Variants in MYO18A observed in about 807,000 individuals in gnomAD.
The protein encoded by MYO18A is unconventional myosin-XVIIIa.
Under a neutral mutation model 235.8 loss-of-function variants are expected in MYO18A, and 78 were observed. The observed-to-expected ratio is 0.33, with a 90% CI of 0.28 to 0.40. The LOEUF (loss-of-function observed/expected upper bound fraction) is 0.40. MYO18A is among the 10% of genes least tolerant of loss of function. The pLI is 1.00. For missense variants in MYO18A, 2,215 were observed against 2,699.3 expected (o/e 0.82, Z 3.98); for synonymous variants, 977 against 1,077.8 (o/e 0.91, Z 1.83).
chr17:29,095,046 GCTCA>G lies in MYO18A; in HGVS notation c.4395_4398del (p.Glu1466SerfsTer32). On this transcript the variant is annotated frameshift_variant, in exon 29 of 42. Coordinates refer to ENST00000527372, the MANE Select transcript of MYO18A (RefSeq NM_078471.4). LOFTEE classifies it high-confidence loss of function. ...TGGGCCTCCTCATGCGCCTGCGAGA[GCTCA>G]CTGTCAAACCTGCGAGGGAGTGTGG... The G allele has an allele frequency of 6.4e-7, 1 of 1,551,374 alleles. No homozygotes were observed. Among genetic ancestry groups the G allele is most frequent in the Non-Finnish European group, 8.7e-7 (1 of 1,146,650 alleles).
intron 1 of MYO18A, among the ~76,000 whole-genome samples, chr17:29,175,364 C>CTT (rs34825590): frequency 6.1e-4 from 81 of 133,000 alleles, no homozygotes; most frequent in African/African-American, 1.8e-3. Context: ...TTTATTTCAT[C>CTT]TTTTTTTTTT....
intron 41 of MYO18A, chr17:29,077,301 A>G (rs997830773): frequency 6.6e-6 from 1 of 152,244 alleles, no homozygotes; most frequent in African/African-American, 2.4e-5. Flanking sequence ...CATTTTAACC[A>G]AATTGTTTAA....
chr17:29,103,732 G>A (rs2066713331), intron 20 of MYO18A, 68 bp from the exon 21 acceptor site: 2 of 1,489,058 alleles, frequency 1.3e-6, no homozygotes, highest in East Asian at 4.5e-5. Context: ...CTTTCTCCAG[G>A]CCCTTGGCCC....
In MYO18A at chr17:29,164,707, C is replaced by T. The variant is rs139184558; in HGVS notation, c.999+1235G>A. ...TGGCCAGAGGTGGTCACTTGTCCTT[C>T]GTATACTATCTCCAGGCAGGACATT... On this transcript the variant is annotated intron_variant, in intron 2 of 41. Coordinates refer to ENST00000527372, the MANE Select transcript of MYO18A (RefSeq NM_078471.4). Among the ~76,000 whole-genome samples the T allele has an allele frequency of 5.9e-5, 9 of 152,210 alleles. No homozygotes were observed. In the East Asian group the frequency reaches 1.7e-3, roughly 29 times the overall value.
At chr17:29,168,391 G>C (rs954154030) in intron 1 of MYO18A, among the ~76,000 whole-genome samples, 1 of 152,082 alleles carries the variant, frequency 6.6e-6, no homozygotes, top group African/African-American at 2.4e-5. Flanking sequence ...GAAGAGTTGA[G>C]AGAGTCTTTC....
Position 29,115,382 on chromosome 17 carries a change from G to T in MYO18A, c.2287C>A (p.Leu763Ile), listed in dbSNP as rs773367472. 7 of 1,613,822 alleles carry T rather than the reference G, an allele frequency of 4.3e-6. No homozygotes were observed. In the South Asian group the frequency reaches 7.7e-5, roughly 18 times the overall value. Residue 763 changes from leucine (L) to isoleucine (I), a missense_variant, in exon 13 of 42, where the codon CTC becomes ATC. Transcript: ENST00000527372. Reference protein sequence around the residue: ...EGMAAGLYSELFTLLVSLVNR... With the variant: ...EGMAAGLYSEIFTLLVSLVNR... Reference sequence around the variant, plus strand: ...ACCAGGGAGACGAGAAGGGTGAAGAGCTCGCTGTAGAGGCCGGCCGCCATG... The same window carrying T: ...ACCAGGGAGACGAGAAGGGTGAAGATCTCGCTGTAGAGGCCGGCCGCCATG...
At chr17:29,124,909 C>T (rs2067285168) in intron 2 of MYO18A, among the ~76,000 whole-genome samples, 2 of 152,138 alleles carry the variant, frequency 1.3e-5, no homozygotes, top group Admixed American at 1.3e-4. Context: ...TGAAGAGACA[C>T]TAGTGACCAT....
intron 2 of MYO18A, chr17:29,124,636 G>C (rs1045192285): frequency 1.5e-5 from 19 of 1,279,356 alleles, no homozygotes; most frequent in South Asian, 1.3e-4. Context: ...CTCCTGAGTG[G>C]GGGGAGAGCA....
At chr17:29,173,173 C>T (rs981395359) in intron 1 of MYO18A, among the ~76,000 whole-genome samples, 6 of 151,734 alleles carry the variant, frequency 4.0e-5, no homozygotes, top group African/African-American at 1.5e-4. Context: ...CAGCTCACTG[C>T]AATCCGCCTC....
At chr17:29,148,322 G>A (rs1282199553) in intron 2 of MYO18A, among the ~76,000 whole-genome samples, 2 of 152,204 alleles carry the variant, frequency 1.3e-5, no homozygotes, top group Non-Finnish European at 2.9e-5. Flanking sequence ...TGTGTAAAGT[G>A]TCAATAATAG....
intron 1 of MYO18A, among the ~76,000 whole-genome samples, chr17:29,170,808 C>T (rs2068385021): frequency 6.6e-6 from 1 of 152,160 alleles, no homozygotes; most frequent in Non-Finnish European, 1.5e-5. Context: ...TGACCATCAA[C>T]CTCAAATATA....
chr17:29,118,355 C>CCAGACCCCA lies in MYO18A; in HGVS notation c.1893+13_1893+21dup. ...ACCCCCAAGGCCCAGGGCTGGCAAC[C>CCAGACCCCA]CAGACCCCACAGACCCCTCACCTTG... On this transcript the variant is annotated intron_variant, in intron 9 of 41. Coordinates refer to ENST00000527372, the MANE Select transcript of MYO18A (RefSeq NM_078471.4). This position sits in a 1 kb window ranked among gnomAD's most constrained non-coding sequence, Gnocchi z 4.2. The CCAGACCCCA allele has an allele frequency of 1.0e-5, 16 of 1,597,772 alleles. No individual in the cohort carries two copies. Among genetic ancestry groups the CCAGACCCCA allele is most frequent in the Non-Finnish European group, 1.2e-5 (14 of 1,167,742 alleles).
chr17:29,090,477 C>T lies in MYO18A; in HGVS notation c.5388+55G>A, dbSNP rs969276293. 2.1e-5 allele frequency: 32 copies of T among 1,495,728 alleles called. No homozygotes were observed. In the African/African-American group the frequency reaches 3.2e-4, roughly 15 times the overall value. The allele number at this position is 1,495,728 out of a possible 1,614,324, so 92.7% of individuals were successfully genotyped here. On this transcript the variant is annotated intron_variant, in intron 36 of 41. Coordinates refer to ENST00000527372, the MANE Select transcript of MYO18A (RefSeq NM_078471.4). ...TAAACTGTGAACTTGGGGGTTCCTC[C>T]CACACCTAGTGACCCTGGCACTCTC...
At chr17:29,138,917 A>G (rs1351795499) in intron 2 of MYO18A, among the ~76,000 whole-genome samples, 1 of 152,212 alleles carries the variant, frequency 6.6e-6, no homozygotes, top group African/African-American at 2.4e-5. Flanking sequence ...GGGGTTCCCA[A>G]TGATGACCCG....
rs1266022468 is a variant in MYO18A, at chr17:29,133,857, C to A, written c.1000-11604G>T. 5.4e-6 allele frequency: 7 copies of A among 1,289,326 alleles called. No homozygotes were observed. In the Admixed American group the frequency reaches 6.9e-5, roughly 13 times the overall value. 79.9% of individuals were successfully genotyped at this position (1,289,326 alleles called of 1,614,324 possible). On this transcript the variant is annotated intron_variant, in intron 2 of 41. Transcript: ENST00000527372. Reference sequence around the variant, plus strand: ...GCCATGGCGCTGAAGGTAACCTGTGCCCTGGGTCAGAGAAGAAATGGGGGG... The same window carrying A: ...GCCATGGCGCTGAAGGTAACCTGTGACCTGGGTCAGAGAAGAAATGGGGGG...
chr17:29,123,920 CA>C (rs1246879033), intron 2 of MYO18A, among the ~76,000 whole-genome samples: 1 of 151,996 alleles, frequency 6.6e-6, no homozygotes, highest in African/African-American at 2.4e-5. Context: ...TGGTGGCGGG[CA>C]CCTGTAGTCC....
chr17:29,122,997 A>G (rs1484772582), intron 2 of MYO18A, among the ~76,000 whole-genome samples: 2 of 152,216 alleles, frequency 1.3e-5, no homozygotes, highest in South Asian at 2.1e-4. Flanking sequence ...ATATGGGGGT[A>G]GGGGCAGCCC....
rs565459426 is a variant in MYO18A, at chr17:29,111,312, G to A, written c.2900+112C>T. ...TGGGCTGTTGCCTCTCAGGAATAAA[G>A]GCCATCTACTTTGCTAGTGAGGGGG... On this transcript the variant is annotated intron_variant, in intron 17 of 41. Coordinates refer to ENST00000527372, the MANE Select transcript of MYO18A (RefSeq NM_078471.4). The surrounding 1 kb of genome is among the most constrained non-coding windows in gnomAD (Gnocchi z 5.1). 1.8e-5 allele frequency: 23 copies of A among 1,276,744 alleles called. No individual in the cohort carries two copies. Among genetic ancestry groups the A allele is most frequent in the Admixed American group, 4.3e-5 (2 of 46,110 alleles). The allele number at this position is 1,276,744 out of a possible 1,614,324, so 79.1% of individuals were successfully genotyped here.
rs1379335490 is a variant in MYO18A, at chr17:29,109,253, CTG to C, written c.3331+603_3331+604del. ...CAAATCCCACTCTGCCACTCAGGAG[CTG>C]TGTGACCTTGGGCAAGCTACTTAAC... On this transcript the variant is annotated intron_variant, in intron 19 of 41. Coordinates refer to ENST00000527372, the MANE Select transcript of MYO18A (RefSeq NM_078471.4). This position sits in a 1 kb window ranked among gnomAD's most constrained non-coding sequence, Gnocchi z 4.1. Among the ~76,000 whole-genome samples, 15 of 152,282 alleles carry C rather than the reference CTG, an allele frequency of 9.9e-5. No individual in the cohort carries two copies. Among genetic ancestry groups the C allele is most frequent in the African/African-American group, 3.4e-4 (14 of 41,538 alleles).
Sources: gnomAD v4.1 joint callset for allele counts (sites outside exome capture counted in the v4.1 genomes callset) on GRCh38, gnomAD v4.1.1 for gene constraint, Gnocchi (gnomAD v3.1) non-coding constraint, MANE v1.5 for transcripts, NCBI Gene and HGNC (gene_info 2026-07-23, HGNC 2026-07-21) for gene names.